Variants in TMEM144 observed in about 807,000 individuals in gnomAD.
TMEM144 encodes transmembrane protein 144.
TMEM144 carries 39 observed loss-of-function variants against 43.6 expected under a neutral mutation model. The observed-to-expected ratio is 0.90, with a 90% confidence interval of 0.69 to 1.17. The LOEUF (loss-of-function observed/expected upper bound fraction) is 1.17, where lower values mean the gene tolerates loss of function less well. TMEM144 is among the 50% of genes most tolerant of loss of function. The pLI is 0.00. For synonymous variants in TMEM144, 154 were observed against 133.6 expected, an observed-to-expected ratio of 1.15 and a Z score of -1.06; for missense variants, 417 against 411.9, an observed-to-expected ratio of 1.01 and a Z score of -0.11.
Position 158,212,788 on chromosome 4 carries a change from T to C in TMEM144, c.109+12T>C. On this transcript the variant is annotated intron_variant, in intron 3 of 12. Transcript: ENST00000296529. ...TGATACTGGTGATGGTAATTATTTTTCCTTGATTGTTAACGTTATATTATT... is the reference window on the plus strand; with the variant it reads ...TGATACTGGTGATGGTAATTATTTTCCCTTGATTGTTAACGTTATATTATT... 6.3e-7 allele frequency: 1 copy of C among 1,575,788 alleles called. No individual in the cohort carries two copies. Among genetic ancestry groups the C allele is most frequent in the South Asian group, 1.1e-5 (1 of 90,202 alleles).
intron 6 of TMEM144, among the ~76,000 whole-genome samples, chr4:158,221,512 T>G (rs1037056065): frequency 2.6e-5 from 4 of 152,174 alleles, no homozygotes; most frequent in African/African-American, 4.8e-5. Context: ...CAAGAAACAA[T>G]ATTCAGAACA....
At chr4:158,216,238 A>ACC (rs1734214793) in intron 4 of TMEM144, among the ~76,000 whole-genome samples, 1 of 152,158 alleles carries the variant, frequency 6.6e-6, no homozygotes, top group Non-Finnish European at 1.5e-5. Flanking sequence ...AGCAGGTTCC[A>ACC]CTGGGTGTCA....
intron 3 of TMEM144, among the ~76,000 whole-genome samples, chr4:158,214,440 T>A (rs1006936945): frequency 1.3e-5 from 2 of 152,234 alleles, no homozygotes; most frequent in African/African-American, 4.8e-5. Context: ...AAGTAATACA[T>A]TGAGTTTTAA....
At chr4:158,229,333 CAAG>C (rs1477749620) in intron 6 of TMEM144, among the ~76,000 whole-genome samples, 1 of 152,172 alleles carries the variant, frequency 6.6e-6, no homozygotes, top group African/African-American at 2.4e-5. Flanking sequence ...AGATGTTACT[CAAG>C]GAGGCTGAAG....
chr4:158,217,842 C>A (rs966486272), intron 5 of TMEM144, among the ~76,000 whole-genome samples: 2 of 152,130 alleles, frequency 1.3e-5, no homozygotes, highest in South Asian at 4.1e-4. Flanking sequence ...GGATTCAAAC[C>A]CAGGTCTTCT....
intron 3 of TMEM144, 46 bp downstream of exon 3, chr4:158,212,822 T>C: frequency 6.9e-7 from 1 of 1,458,870 alleles, no homozygotes; most frequent in Non-Finnish European, 9.6e-7. Context: ...TTTTTAAAAA[T>C]GAAGTTCCTT....
At chr4:158,240,833 G>A (rs767569588) in intron 10 of TMEM144, among the ~76,000 whole-genome samples, 6 of 152,156 alleles carry the variant, frequency 3.9e-5, no homozygotes, top group Admixed American at 6.5e-5. Flanking sequence ...AGAAGAGATC[G>A]TGATGACTTC....
chr4:158,239,424 T>C (rs771300966), intron 9 of TMEM144, among the ~76,000 whole-genome samples: 23 of 152,222 alleles, frequency 1.5e-4, no homozygotes, highest in Non-Finnish European at 2.9e-4. Flanking sequence ...TTTTCCGAGA[T>C]TGGGCCACCA....
chr4:158,222,279 C>A (rs1734547336), intron 6 of TMEM144, among the ~76,000 whole-genome samples: 1 of 152,148 alleles, frequency 6.6e-6, no homozygotes, highest in African/African-American at 2.4e-5. Context: ...TTGAATGTTC[C>A]CCACTGAATT....
chr4:158,241,474 A>C, intron 10 of TMEM144, 35 bp from the exon 11 acceptor site: 1 of 1,534,792 alleles, frequency 6.5e-7, no homozygotes, highest in Non-Finnish European at 9.0e-7. Context: ...GGAGGGGAAC[A>C]TGGTCTGCAA....
intron 11 of TMEM144, among the ~76,000 whole-genome samples, chr4:158,242,218 C>A (rs1198409248): frequency 6.6e-6 from 1 of 152,184 alleles, no homozygotes; most frequent in Non-Finnish European, 1.5e-5. Flanking sequence ...TTCTCACTCA[C>A]CAGGCATAAC....
chr4:158,210,544 G>C lies in TMEM144; in HGVS notation c.-225G>C, dbSNP rs1020492064. 4.6e-5 allele frequency: 7 copies of C among 152,300 alleles called. No individual in the cohort carries two copies. The highest frequency in any genetic ancestry group is 1.7e-4 in the African/African-American group (7 of 41,472). 9.4% of individuals were successfully genotyped at this position (152,300 alleles called of 1,614,324 possible). A position where few individuals can be genotyped will look rare whatever the true frequency, so the allele number is the denominator to read the frequency against. ...TGGCACGTAGTGGGCGGATCGCGCC[G>C]GCGCTGAGTAGGAAGGAGCTTCAGC... On this transcript the variant is annotated 5_prime_UTR_variant, in exon 1 of 13. Coordinates refer to ENST00000296529, the MANE Select transcript of TMEM144 (RefSeq NM_018342.5).
At chr4:158,231,922 T>C (rs927861046) in intron 6 of TMEM144, among the ~76,000 whole-genome samples, 8 of 152,204 alleles carry the variant, frequency 5.3e-5, no homozygotes, top group Middle Eastern at 3.2e-3. Context: ...AACTAGAGCA[T>C]TTTAATTTTT....
At position 158,253,618 on chromosome 4, in the gene TMEM144, A is replaced by G. The variant is rs1736328621; in HGVS notation, c.*91A>G. ...CATGCTGAGAAAAGAGTGCATTTTCATATAGCAAATGGATCTCAGCCACTG... is the reference window on the plus strand; with the variant it reads ...CATGCTGAGAAAAGAGTGCATTTTCGTATAGCAAATGGATCTCAGCCACTG... On this transcript the variant is annotated 3_prime_UTR_variant, in exon 13 of 13. Transcript: ENST00000296529. The G allele has an allele frequency of 9.8e-7, 1 of 1,017,954 alleles. No individual in the cohort carries two copies. Among genetic ancestry groups the G allele is most frequent in the Non-Finnish European group, 1.5e-6 (1 of 674,618 alleles). 63.1% of individuals were successfully genotyped at this position (1,017,954 alleles called of 1,614,324 possible).
At position 158,232,890 on chromosome 4, in the gene TMEM144, T is replaced by C. The variant is rs1194826286; in HGVS notation, c.414-11T>C. 4 of 1,591,662 alleles carry C rather than the reference T, an allele frequency of 2.5e-6. 1 individual carries two copies. In the South Asian group the frequency reaches 4.5e-5, roughly 18 times the overall value. On this transcript the variant is annotated splice_polypyrimidine_tract_variant and intron_variant, in intron 6 of 12. Coordinates refer to ENST00000296529, the MANE Select transcript of TMEM144 (RefSeq NM_018342.5). ...TATGATAAATATCACTAAAATTTAT[T>C]TTCCTTACAGTGCTTTCATATTTTT...
At chr4:158,215,165 C>G (rs770564100) in intron 3 of TMEM144, 26 bp from the exon 4 acceptor site, 2 of 1,613,120 alleles carry the variant, frequency 1.2e-6, no homozygotes, top group South Asian at 1.1e-5. Context: ...ATTTGAACCA[C>G]TAACACTGAG....
intron 10 of TMEM144, 48 bp from the exon 11 acceptor site, chr4:158,241,461 T>C (rs1735632193): frequency 7.0e-7 from 1 of 1,431,716 alleles, no homozygotes; most frequent in Non-Finnish European, 9.8e-7. Context: ...TGTGAGTTCT[T>C]CAGGAGGGGA....
chr4:158,212,474 A>G, intron 2 of TMEM144, 134 bp from the exon 3 acceptor site: 1 of 453,904 alleles, frequency 2.2e-6, no homozygotes, highest in Non-Finnish European at 3.9e-6. Context: ...CAAACATTAT[A>G]TATAGTTGTG....
chr4:158,241,303 C>T (rs923226733), intron 10 of TMEM144, among the ~76,000 whole-genome samples: 1 of 152,110 alleles, frequency 6.6e-6, no homozygotes, highest in Non-Finnish European at 1.5e-5. Flanking sequence ...AATGTGAAAG[C>T]ATTGATCACT....
Sources: allele counts gnomAD v4.1 joint callset (sites outside exome capture counted in the v4.1 genomes callset), GRCh38; gene constraint gnomAD v4.1.1; transcripts MANE v1.5; gene names NCBI Gene and HGNC (gene_info 2026-07-23, HGNC 2026-07-21).